The following MPP7 variants were observed in gnomAD, a reference collection of about 807,000 sequenced individuals.
MPP7 encodes the protein MAGUK p55 subfamily member 7.
Under a neutral mutation model 76.5 loss-of-function variants are expected in MPP7, and 60 were observed. The ratio of observed to expected loss-of-function variants is 0.78; its 90% CI spans 0.64 to 0.97. The LOEUF (loss-of-function observed/expected upper bound fraction) is 0.97, where lower values mean the gene tolerates loss of function less well. Ranked by LOEUF, MPP7 falls within the 50% of genes least tolerant of loss-of-function variation. MPP7 has a pLI of 0.00. For missense variants in MPP7, 641 were observed against 694.0 expected, an observed-to-expected ratio of 0.92 and a Z score of 0.86; for synonymous variants, 237 against 244.5, an observed-to-expected ratio of 0.97 and a Z score of 0.29.
intron 1 of MPP7, among the ~76,000 whole-genome samples, chr10:28,278,850 T>C (rs1243676162): frequency 2.0e-5 from 3 of 148,180 alleles, no homozygotes; most frequent in African/African-American, 5.0e-5. Context: ...AACACCAAAA[T>C]GTTAATGGAG....
Position 28,120,408 on chromosome 10 carries a change from TTAAAGATGAA to T in MPP7, c.691-28_691-19del. 1.3e-6 allele frequency: 2 copies of T among 1,599,300 alleles called. No homozygotes were observed. Among genetic ancestry groups the T allele is most frequent in the Non-Finnish European group, 1.7e-6 (2 of 1,172,450 alleles). ...ATAAACATCTGGAAGAAAAGTTTCA[TTAAAGATGAA>T]TAAAGATAAAAAATAAATGTGAAAT... On this transcript the variant is annotated intron_variant, in intron 9 of 16. Coordinates refer to ENST00000683449, the MANE Select transcript of MPP7 (RefSeq NM_001318170.2).
chr10:28,223,463 T>C (rs1414651526), intron 2 of MPP7, among the ~76,000 whole-genome samples: 1 of 152,204 alleles, frequency 6.6e-6, no homozygotes, highest in African/African-American at 2.4e-5. Flanking sequence ...ATGATTATAA[T>C]TTTTGCAGAA....
At chr10:28,185,009 A>G (rs570993854) in intron 3 of MPP7, among the ~76,000 whole-genome samples, 1 of 147,566 alleles carries the variant, frequency 6.8e-6, no homozygotes, top group Non-Finnish European at 1.5e-5. Context: ...TGTAATTATT[A>G]TATCATATAT....
In MPP7 at chr10:28,303,034, GC is replaced by G. The variant is rs1841204285; in HGVS notation, c.-306del. Reference sequence around the variant, plus strand: ...AACGCACGAGCCCAGTGGGAGCCCGGCCCCCGCCTCCAGCCCGGCTAGTAAC... The same window carrying G: ...AACGCACGAGCCCAGTGGGAGCCCGGCCCCGCCTCCAGCCCGGCTAGTAAC... On this transcript the variant is annotated 5_prime_UTR_variant, in exon 1 of 17. Transcript: ENST00000683449. 6.6e-6 allele frequency among the ~76,000 whole-genome samples: 1 copy of G among 152,080 alleles called. No individual in the cohort carries two copies. The highest frequency in any genetic ancestry group is 1.9e-4 in the East Asian group (1 of 5,156).
At chr10:28,168,557 C>T (rs1008836100) in intron 3 of MPP7, among the ~76,000 whole-genome samples, 1 of 151,906 alleles carries the variant, frequency 6.6e-6, no homozygotes, top group Admixed American at 6.6e-5. Context: ...CTCGCTCTGT[C>T]GCCCAGGCTG....
chr10:28,271,512 C>T (rs2133034095), intron 1 of MPP7, among the ~76,000 whole-genome samples: 1 of 152,322 alleles, frequency 6.6e-6, no homozygotes. Context: ...GCAGATCCTT[C>T]AGGCACTCCT....
chr10:28,248,118 G>A (rs938301401), intron 1 of MPP7, among the ~76,000 whole-genome samples: 6 of 152,054 alleles, frequency 3.9e-5, no homozygotes, highest in East Asian at 1.9e-4. Context: ...CAAAAACCAC[G>A]GGAAATGGTT....
chr10:28,209,954 A>C (rs551221962), intron 2 of MPP7, among the ~76,000 whole-genome samples: 1 of 152,206 alleles, frequency 6.6e-6, no homozygotes, highest in East Asian at 1.9e-4. Flanking sequence ...TGAGAGTCCA[A>C]ATAGATCCAA....
At chr10:28,211,347 C>G (rs1838127876) in intron 2 of MPP7, among the ~76,000 whole-genome samples, 1 of 151,762 alleles carries the variant, frequency 6.6e-6, no homozygotes, top group Non-Finnish European at 1.5e-5. Context: ...CTTTAGTAGC[C>G]CTGGGCAACA....
In MPP7 at chr10:28,120,619, T is replaced by C. The variant is rs1367189280; in HGVS notation, c.665A>G (p.Glu222Gly). The C allele has an allele frequency of 6.2e-7, 1 of 1,613,738 alleles. No individual in the cohort carries two copies. The highest frequency in any genetic ancestry group is 1.3e-5 in the African/African-American group (1 of 74,908). Residue 222 changes from glutamate (E) to glycine (G), a missense_variant, in exon 9 of 17, where the codon GAG (glutamate) becomes GGG (glycine). Physicochemically the swap from Glu to Gly is moderately conservative, Grantham distance 98. Transcript: ENST00000683449. ...CTTGCCTTCTTTTGATGGTGTCTCC[T>C]CTTTGCTGCCGGGTATAATCTTAAA... ...ITFKIIPGSK[E>G]ETPSKEGKMF...
At chr10:28,265,130 T>C (rs1218645154) in intron 1 of MPP7, among the ~76,000 whole-genome samples, 2 of 152,178 alleles carry the variant, frequency 1.3e-5, no homozygotes, top group African/African-American at 2.4e-5. Context: ...ATCAGAGGTA[T>C]TGCTTTTACT....
chr10:28,178,806 A>G (rs944398534), intron 3 of MPP7, among the ~76,000 whole-genome samples: 1 of 152,222 alleles, frequency 6.6e-6, no homozygotes, highest in Non-Finnish European at 1.5e-5. Context: ...AAGATTCTAT[A>G]GTGTATCCAT....
At chr10:28,309,092 T>C (rs1182702408) in intron 2 of MPP7, among the ~76,000 whole-genome samples, 1 of 152,172 alleles carries the variant, frequency 6.6e-6, no homozygotes, top group East Asian at 1.9e-4. Flanking sequence ...GCATTCCACA[T>C]TTAACTTTAT....
chr10:28,066,548 CTTTTTAACATTTAA>C (rs1851994884), intron 13 of MPP7, among the ~76,000 whole-genome samples: 1 of 152,082 alleles, frequency 6.6e-6, no homozygotes, highest in Non-Finnish European at 1.5e-5. Context: ...ACTATTATTT[CTTTTTAACATTTAA>C]AGCCTGAGTA....
At chr10:28,173,295 C>G (rs1016139241) in intron 3 of MPP7, among the ~76,000 whole-genome samples, 1 of 151,392 alleles carries the variant, frequency 6.6e-6, no homozygotes. Context: ...TACAGATCTA[C>G]CATTACTACG....
In MPP7 at chr10:28,178,904, A is replaced by AT. The variant is rs1354760112; in HGVS notation, c.156+23248dup. On this transcript the variant is annotated intron_variant, in intron 3 of 16. Coordinates refer to ENST00000683449, the MANE Select transcript of MPP7 (RefSeq NM_001318170.2). The stretch of plus-strand genomic sequence containing the variant: ...AAAATAGCAGCAGCGAATTTTTAAG[A>AT]TTTTAAAGAGAAATGTAGTAAAAGT... Among the ~76,000 whole-genome samples the AT allele has an allele frequency of 2.0e-5, 3 of 152,342 alleles. No individual in the cohort carries two copies. The East Asian group carries it at 5.8e-4, about 29-fold the overall frequency.
Position 28,166,424 on chromosome 10 carries a change from T to TGG in MPP7, c.157-16367_157-16366dup, listed in dbSNP as rs1554844611. On this transcript the variant is annotated intron_variant, in intron 3 of 16. Transcript: ENST00000683449. ...AATTTTTTTTTTTTTTTTTTTTTTTTGGGACAGAGTTCTGGTCTTGTTGCT... is the reference window on the plus strand; with the variant it reads ...AATTTTTTTTTTTTTTTTTTTTTTTTGGGGGACAGAGTTCTGGTCTTGTTGCT... Among the ~76,000 whole-genome samples, 120 of 129,512 alleles carry TGG rather than the reference T, an allele frequency of 9.3e-4. 1 individual carries two copies. Among genetic ancestry groups the TGG allele is most frequent in the East Asian group, 5.9e-3 (23 of 3,906 alleles). The allele number at this position is 129,512 out of a possible 152,430, so 85.0% of individuals were successfully genotyped here.
intron 12 of MPP7, among the ~76,000 whole-genome samples, chr10:28,073,441 T>C (rs1852329973): frequency 6.6e-6 from 1 of 152,144 alleles, no homozygotes; most frequent in African/African-American, 2.4e-5. Context: ...TTCTTGGATA[T>C]GTAGTTTCCA....
intron 3 of MPP7, among the ~76,000 whole-genome samples, chr10:28,189,398 A>G (rs907317002): frequency 1.3e-5 from 2 of 151,822 alleles, no homozygotes; most frequent in African/African-American, 4.8e-5. Flanking sequence ...CCCTGTCTCT[A>G]CAAAAAAATA....
Sources: allele counts gnomAD v4.1 joint callset (sites outside exome capture counted in the v4.1 genomes callset), GRCh38; gene constraint gnomAD v4.1.1; transcripts MANE v1.5; gene names NCBI Gene and HGNC (gene_info 2026-07-23, HGNC 2026-07-21).